Variants in CDH12 observed in about 807,000 individuals in gnomAD.
The protein encoded by CDH12 is cadherin 12, also known as cadherin-12.
Under a neutral mutation model 74.1 loss-of-function variants are expected in CDH12, and 41 were observed. The ratio of observed to expected loss-of-function variants is 0.55; its 90% CI spans 0.43 to 0.72. CDH12 has a LOEUF of 0.72. Among genes scored for constraint, CDH12 ranks in the 30% least tolerant of loss-of-function variants. CDH12 has a pLI of 0.00. For synonymous variants in CDH12, 399 were observed against 355.0 expected, an observed-to-expected ratio of 1.12 and a Z score of -1.39; for missense variants, 945 against 977.2, an observed-to-expected ratio of 0.97 and a Z score of 0.44.
chr5:21,824,547 C>G (rs1013720717), intron 8 of CDH12, among the ~76,000 whole-genome samples: 1 of 152,146 alleles, frequency 6.6e-6, no homozygotes, highest in Non-Finnish European at 1.5e-5. Context: ...CTTTTGTTGT[C>G]ATACAATTAG....
chr5:22,416,367 G>C (rs13361964), intron 2 of CDH12, among the ~76,000 whole-genome samples: 2 of 151,780 alleles, frequency 1.3e-5, no homozygotes, highest in African/African-American at 4.8e-5. Context: ...GAGCCACCGC[G>C]CCCGGCCTGT....
chr5:21,859,247 GGGAAGCCCTCAGGAAACTTACAATCAGGA>G (rs1430295797), intron 6 of CDH12, among the ~76,000 whole-genome samples: 1 of 151,896 alleles, frequency 6.6e-6, no homozygotes, highest in Non-Finnish European at 1.5e-5. Context: ...GAGTATGGCT[GGGAAGCCCTCAGGAAACTTACAATCAGGA>G]GGGAAGGTGA....
At chr5:22,344,267 GTTTTC>G (rs1406189959) in intron 3 of CDH12, among the ~76,000 whole-genome samples, 1 of 151,982 alleles carries the variant, frequency 6.6e-6, no homozygotes, top group Non-Finnish European at 1.5e-5. Context: ...AATCATGTTT[GTTTTC>G]TTGTTGCATT....
intron 1 of CDH12, among the ~76,000 whole-genome samples, chr5:22,549,077 C>T (rs1738451694): frequency 6.6e-6 from 1 of 152,024 alleles, no homozygotes; most frequent in African/African-American, 2.4e-5. Context: ...GTAGCTGGAA[C>T]TTCAGGCATG....
chr5:22,431,121 G>A (rs181540759), intron 2 of CDH12, among the ~76,000 whole-genome samples: 487 of 152,134 alleles, frequency 3.2e-3, no homozygotes, highest in African/African-American at 0.011. Context: ...TTTCAATTGC[G>A]TCATCCAAGT....
In CDH12 at chr5:22,688,986, G is replaced by T. The variant is rs192115701; in HGVS notation, c.-523+164072C>A. Among the ~76,000 whole-genome samples, 44 of 152,216 alleles carry T rather than the reference G, an allele frequency of 2.9e-4. 1 individual carries two copies. The highest frequency in any genetic ancestry group is 8.4e-4 in the African/African-American group (35 of 41,546). Reference sequence around the variant, plus strand: ...GTTTCAAAGTGCAATAATATAGTCTGCTTTGTAACTAGAGCTGTGAAAAAT... The same window carrying T: ...GTTTCAAAGTGCAATAATATAGTCTTCTTTGTAACTAGAGCTGTGAAAAAT... On this transcript the variant is annotated intron_variant, in intron 1 of 14. Transcript: ENST00000382254.
At chr5:21,883,431 G>C in intron 6 of CDH12, 2 of 1,589,926 alleles carry the variant, frequency 1.3e-6, no homozygotes, top group Non-Finnish European at 8.6e-7. Context: ...TGTTGATGGA[G>C]AAGCTCTAAG....
At chr5:22,043,734 T>C (rs531693240) in intron 5 of CDH12, among the ~76,000 whole-genome samples, 15 of 152,056 alleles carry the variant, frequency 9.9e-5, no homozygotes, top group African/African-American at 3.1e-4. Flanking sequence ...AGAACTGATT[T>C]ACAAGTTCAG....
At chr5:22,746,884 T>C (rs545834841) in intron 1 of CDH12, among the ~76,000 whole-genome samples, 1 of 152,274 alleles carries the variant, frequency 6.6e-6, no homozygotes, top group South Asian at 2.1e-4. Flanking sequence ...ATATAATCAT[T>C]ATGTGGTAGA....
chr5:22,279,726 A>T (rs1313598244), intron 3 of CDH12, among the ~76,000 whole-genome samples: 2 of 152,148 alleles, frequency 1.3e-5, no homozygotes, highest in African/African-American at 4.8e-5. Flanking sequence ...TTATGGCTGC[A>T]TAGTATTCCA....
chr5:21,920,451 C>T (rs1012497029), intron 6 of CDH12, among the ~76,000 whole-genome samples: 1 of 151,962 alleles, frequency 6.6e-6, no homozygotes, highest in East Asian at 1.9e-4. Context: ...AATGCATGCT[C>T]TCACTGATAA....
intron 3 of CDH12, among the ~76,000 whole-genome samples, chr5:22,221,486 T>C (rs1200757122): frequency 6.6e-6 from 1 of 151,960 alleles, no homozygotes. Context: ...ACAATATCTT[T>C]ATCACATGGT....
chr5:22,154,483 GTACACA>G (rs1561169910), intron 4 of CDH12, among the ~76,000 whole-genome samples: 1 of 680 alleles, frequency 1.5e-3, no homozygotes, highest in Admixed American at 0.038. Context: ...ACATATATAT[GTACACA>G]TATATATGTA....
intron 1 of CDH12, among the ~76,000 whole-genome samples, chr5:22,831,692 C>T (rs1204253337): frequency 6.6e-6 from 1 of 151,804 alleles, no homozygotes; most frequent in African/African-American, 2.4e-5. Context: ...GTCAGGAGTT[C>T]AAGACCAACC....
At chr5:22,585,326 T>C (rs186175143) in intron 1 of CDH12, among the ~76,000 whole-genome samples, 10 of 152,282 alleles carry the variant, frequency 6.6e-5, no homozygotes, top group African/African-American at 2.4e-4. Context: ...AGATTTTCTT[T>C]TTGTCTTTGA....
At chr5:22,181,677 C>T (rs534723811) in intron 4 of CDH12, among the ~76,000 whole-genome samples, 31 of 152,132 alleles carry the variant, frequency 2.0e-4, no homozygotes, top group African/African-American at 7.0e-4. Context: ...ATAATGTACA[C>T]AAAAGCAGAC....
chr5:21,890,821 G>A (rs1476314997), intron 6 of CDH12, among the ~76,000 whole-genome samples: 2 of 152,060 alleles, frequency 1.3e-5, no homozygotes, highest in Admixed American at 1.3e-4. Flanking sequence ...TCAAATTTAG[G>A]TTGGGATAGT....
intron 4 of CDH12, among the ~76,000 whole-genome samples, chr5:22,194,554 A>T (rs538865419): frequency 6.6e-6 from 1 of 151,306 alleles, no homozygotes; most frequent in Non-Finnish European, 1.5e-5. Context: ...CTGGTCTCGA[A>T]CTCTTGATCT....
intron 3 of CDH12, among the ~76,000 whole-genome samples, chr5:22,312,818 C>A (rs907813376): frequency 6.6e-6 from 1 of 152,160 alleles, no homozygotes; most frequent in Non-Finnish European, 1.5e-5. Context: ...CTCTTTACAT[C>A]AGATGTATGG....
Sources: allele counts gnomAD v4.1 joint callset (sites outside exome capture counted in the v4.1 genomes callset), GRCh38; gene constraint gnomAD v4.1.1; transcripts MANE v1.5; gene names NCBI Gene and HGNC (gene_info 2026-07-23, HGNC 2026-07-21).